Variants in PHF14 observed in about 807,000 individuals in gnomAD.
The protein encoded by PHF14 is PHD finger protein 14.
Under a neutral mutation model 117.9 loss-of-function variants are expected in PHF14, and 55 were observed. The ratio of observed to expected loss-of-function variants is 0.47; its 90% CI spans 0.38 to 0.58. The LOEUF (loss-of-function observed/expected upper bound fraction) is 0.58. Among genes scored for constraint, PHF14 ranks in the 20% least tolerant of loss-of-function variants. PHF14 has a pLI of 0.00. For synonymous variants in PHF14, 409 were observed against 368.6 expected (o/e 1.11, Z -1.26); for missense variants, 978 against 1,122.2 (o/e 0.87, Z 1.84).
intron 17 of PHF14, among the ~76,000 whole-genome samples, chr7:11,166,024 A>G (rs2128358407): frequency 6.6e-6 from 1 of 152,298 alleles, no homozygotes; most frequent in South Asian, 2.1e-4. Context: ...AAATTTTGTC[A>G]TTTGATATTA....
At chr7:11,063,551 T>C (rs962004594) in intron 16 of PHF14, 13 of 974,558 alleles carry the variant, frequency 1.3e-5, no homozygotes, top group South Asian at 9.5e-5. Flanking sequence ...GTGATCCTTT[T>C]ATTAATTATT....
intron 17 of PHF14, among the ~76,000 whole-genome samples, chr7:11,127,781 A>G (rs1787968816): frequency 6.6e-6 from 1 of 152,156 alleles, no homozygotes; most frequent in Non-Finnish European, 1.5e-5. Context: ...GTATTTTATC[A>G]GTGCATATCT....
intron 17 of PHF14, among the ~76,000 whole-genome samples, chr7:11,165,059 G>C (rs1789162581): frequency 6.6e-6 from 1 of 152,128 alleles, no homozygotes; most frequent in Admixed American, 6.5e-5. Flanking sequence ...CGAGTAGCTG[G>C]GACTATAGGC....
intron 17 of PHF14, among the ~76,000 whole-genome samples, chr7:11,115,810 A>G (rs2128344468): frequency 6.6e-6 from 1 of 152,128 alleles, no homozygotes; most frequent in East Asian, 1.9e-4. Flanking sequence ...TTAGCTTGTG[A>G]CTTTTGAAAA....
At chr7:11,112,914 C>T (rs756370377) in intron 17 of PHF14, among the ~76,000 whole-genome samples, 43 of 151,834 alleles carry the variant, frequency 2.8e-4, no homozygotes, top group African/African-American at 9.2e-4. Context: ...TTATTAAGGC[C>T]TAGATTTAAG....
At chr7:11,133,929 C>G (rs1788151642) in intron 17 of PHF14, among the ~76,000 whole-genome samples, 1 of 151,988 alleles carries the variant, frequency 6.6e-6, no homozygotes, top group Non-Finnish European at 1.5e-5. Flanking sequence ...TAAGGACTAA[C>G]CTGGACCAGG....
chr7:11,046,420 A>G (rs1784665953), intron 13 of PHF14, among the ~76,000 whole-genome samples: 1 of 152,180 alleles, frequency 6.6e-6, no homozygotes, highest in African/African-American at 2.4e-5. Flanking sequence ...TGAGTAATAT[A>G]TCCTTTTATT....
At chr7:11,076,346 A>G (rs893388473) in intron 16 of PHF14, among the ~76,000 whole-genome samples, 6 of 152,216 alleles carry the variant, frequency 3.9e-5, no homozygotes, top group East Asian at 1.9e-4. Context: ...ATGGTTTTCA[A>G]TGATATATTT....
intron 17 of PHF14, among the ~76,000 whole-genome samples, chr7:11,115,668 T>C (rs7809178): frequency 0.59 from 89,056 of 151,728 alleles, 27,391 homozygotes; most frequent in East Asian, 0.86. Context: ...AGATTTCATT[T>C]AGGTTTGGCT....
intron 10 of PHF14, among the ~76,000 whole-genome samples, chr7:11,037,519 A>T (rs559079412): frequency 1.3e-5 from 2 of 152,264 alleles, no homozygotes; most frequent in South Asian, 4.1e-4. Flanking sequence ...ATAGAGCTTC[A>T]CTTTCTAAGT....
chr7:11,046,678 T>G (rs1307555939), intron 13 of PHF14, among the ~76,000 whole-genome samples: 2 of 152,290 alleles, frequency 1.3e-5, no homozygotes, highest in Non-Finnish European at 2.9e-5. Context: ...AGAATAAAAT[T>G]TACAAGTTGA....
At chr7:11,097,314 G>T (rs1031222074) in intron 16 of PHF14, among the ~76,000 whole-genome samples, 12 of 152,100 alleles carry the variant, frequency 7.9e-5, no homozygotes, top group African/African-American at 2.9e-4. Flanking sequence ...TATTCATATT[G>T]CCACAATGGA....
At chr7:11,083,421 A>T (rs1351252493) in intron 16 of PHF14, among the ~76,000 whole-genome samples, 1 of 151,114 alleles carries the variant, frequency 6.6e-6, no homozygotes, top group Admixed American at 6.6e-5. Context: ...TCGTGACTGG[A>T]AAGCCACAGG....
At chr7:11,015,423 T>C (rs10263908) in intron 5 of PHF14, among the ~76,000 whole-genome samples, 4,632 of 152,244 alleles carry the variant, frequency 0.03, 224 homozygotes, top group African/African-American at 0.11. Context: ...ATATAACAAA[T>C]GATTTGATGT....
chr7:11,117,514 A>T (rs1233180839), intron 17 of PHF14, among the ~76,000 whole-genome samples: 1 of 147,102 alleles, frequency 6.8e-6, no homozygotes, highest in Non-Finnish European at 1.5e-5. Context: ...GATATTTTTA[A>T]TTTTGGTTTT....
intron 17 of PHF14, among the ~76,000 whole-genome samples, chr7:11,112,351 TTAAC>T (rs1176127593): frequency 6.6e-6 from 1 of 152,178 alleles, no homozygotes; most frequent in Non-Finnish European, 1.5e-5. Context: ...TCTTTTATCA[TTAAC>T]TAAAATGATT....
Position 10,982,793 on chromosome 7 carries a change from C to T in PHF14, c.534C>T (p.Ser178=), listed in dbSNP as rs1415219125. The stretch of plus-strand genomic sequence containing the variant: ...CAACCGCTACAGAGGAACAAGTCAG[C>T]GAGCCAAAAAAATGGAACCTTCGAC... ...TTTTATEEQV[S]EPKKWNLRRN... The change falls in exon 3 of 18, where the codon AGC becomes AGT. Residue 178 remains serine, a synonymous_variant. Coordinates refer to ENST00000634607, the MANE Select transcript of PHF14 (RefSeq NM_001007157.2). 8.7e-6 allele frequency: 14 copies of T among 1,613,728 alleles called. No individual in the cohort carries two copies. Among genetic ancestry groups the T allele is most frequent in the East Asian group, 2.2e-5 (1 of 44,890 alleles).
At chr7:11,092,603 G>A (rs1056467269) in intron 16 of PHF14, among the ~76,000 whole-genome samples, 6 of 152,238 alleles carry the variant, frequency 3.9e-5, no homozygotes, top group Middle Eastern at 3.4e-3. Context: ...CAGAGTTTAA[G>A]TTTAAGAAGT....
At chr7:11,028,569 T>C in intron 6 of PHF14, 112 bp from the exon 7 acceptor site, 4 of 960,558 alleles carry the variant, frequency 4.2e-6, no homozygotes, top group South Asian at 1.5e-5. Context: ...ACATAATTGG[T>C]TCATTATTTG....
Sources: gnomAD v4.1 joint callset for allele counts (sites outside exome capture counted in the v4.1 genomes callset) on GRCh38, gnomAD v4.1.1 for gene constraint, MANE v1.5 for transcripts, NCBI Gene and HGNC (gene_info 2026-07-23, HGNC 2026-07-21) for gene names.